Variants in SLIT3 observed in about 807,000 individuals in gnomAD.
SLIT3 encodes slit guidance ligand 3, also known as slit homolog 3 protein.
Under a neutral mutation model 184.0 loss-of-function variants are expected in SLIT3, and 68 were observed. That is an observed-to-expected ratio of 0.37 (90% CI 0.30 to 0.45). The LOEUF is 0.45. SLIT3 is among the 20% of genes least tolerant of loss of function. The pLI is 1.00. For missense variants in SLIT3, 1,707 were observed against 2,026.0 expected, an observed-to-expected ratio of 0.84 and a Z score of 3.02; for synonymous variants, 831 against 828.6, an observed-to-expected ratio of 1.00 and a Z score of -0.05.
At chr5:168,845,946 A>T (rs1179211279) in intron 5 of SLIT3, among the ~76,000 whole-genome samples, 1 of 152,160 alleles carries the variant, frequency 6.6e-6, no homozygotes, top group Non-Finnish European at 1.5e-5. Context: ...TTCATGTGTA[A>T]ATTGAGCTAA....
intron 27 of SLIT3, among the ~76,000 whole-genome samples, chr5:168,699,820 T>C (rs1762163874): frequency 6.6e-6 from 1 of 152,164 alleles, no homozygotes; most frequent in Admixed American, 6.5e-5. Flanking sequence ...GTACCTGGCA[T>C]AGTGAGCATA....
chr5:168,752,713 A>C, intron 18 of SLIT3: 1 of 500,926 alleles, frequency 2.0e-6, no homozygotes, highest in Non-Finnish European at 3.6e-6. Flanking sequence ...TGGGTTTTCA[A>C]ATCACTGTGG....
chr5:169,150,826 G>GCCA (rs1762089103), intron 4 of SLIT3, among the ~76,000 whole-genome samples: 1 of 152,168 alleles, frequency 6.6e-6, no homozygotes, highest in South Asian at 2.1e-4. Context: ...CCATCACCCT[G>GCCA]TAAATTACCT....
At chr5:168,786,324 G>A (rs947899521) in intron 11 of SLIT3, among the ~76,000 whole-genome samples, 3 of 152,168 alleles carry the variant, frequency 2.0e-5, no homozygotes, top group African/African-American at 7.2e-5. Flanking sequence ...CACTGTGTGG[G>A]AGACTGGCCC....
intron 4 of SLIT3, among the ~76,000 whole-genome samples, chr5:168,952,528 C>CAAAAAAAAAAAAAAAAAAAAAAAA (rs372134778): frequency 5.0e-4 from 39 of 77,924 alleles, no homozygotes; most frequent in African/African-American, 2.2e-3. Flanking sequence ...GGGAAAATGC[C>CAAAAAAAAAAAAAAAAAAAAAAAA]AAAAAAAAAA....
At chr5:168,829,795 G>A (rs746738454) in intron 6 of SLIT3, among the ~76,000 whole-genome samples, 1 of 152,236 alleles carries the variant, frequency 6.6e-6, no homozygotes, top group Non-Finnish European at 1.5e-5. Flanking sequence ...CGGACCCTGT[G>A]AGAAACACCT....
intron 5 of SLIT3, among the ~76,000 whole-genome samples, chr5:168,865,193 AAAG>A (rs1759254608): frequency 6.6e-6 from 1 of 151,700 alleles, no homozygotes; most frequent in South Asian, 2.1e-4. Context: ...AAAAAAAAAA[AAAG>A]AACATGGATA....
intron 4 of SLIT3, among the ~76,000 whole-genome samples, chr5:169,140,480 C>CAAAAAAAA: frequency 2.1e-5 from 1 of 46,924 alleles, no homozygotes; most frequent in Non-Finnish European, 4.9e-5. Context: ...AACTCTAACT[C>CAAAAAAAA]AAAAAAAAAA....
At chr5:169,281,449 A>C (rs756527654) in intron 1 of SLIT3, among the ~76,000 whole-genome samples, 1 of 152,194 alleles carries the variant, frequency 6.6e-6, no homozygotes, top group Admixed American at 6.5e-5. Context: ...GCACTCCAGC[A>C]TGGCAACAGA....
chr5:169,158,004 T>C (rs774409126), intron 4 of SLIT3, among the ~76,000 whole-genome samples: 1 of 150,196 alleles, frequency 6.7e-6, no homozygotes, highest in Non-Finnish European at 1.5e-5. Context: ...CAAACACTTG[T>C]ATAATCAGAT....
intron 3 of SLIT3, among the ~76,000 whole-genome samples, chr5:169,195,125 C>T (rs2113474367): frequency 6.6e-6 from 1 of 152,278 alleles, no homozygotes; most frequent in South Asian, 2.1e-4. Flanking sequence ...CATCTGAGAG[C>T]TAAAGCTAAC....
At chr5:168,896,314 C>T (rs1389912618) in intron 4 of SLIT3, among the ~76,000 whole-genome samples, 7 of 152,028 alleles carry the variant, frequency 4.6e-5, no homozygotes, top group East Asian at 1.9e-4. Flanking sequence ...TACCTACGTG[C>T]GGGAATTATT....
At chr5:169,026,026 C>T (rs1049061836) in intron 4 of SLIT3, among the ~76,000 whole-genome samples, 9 of 152,164 alleles carry the variant, frequency 5.9e-5, no homozygotes, top group Non-Finnish European at 1.3e-4. Context: ...CATGCTCTTG[C>T]TGGCATCCAT....
intron 4 of SLIT3, among the ~76,000 whole-genome samples, chr5:169,100,108 AAC>A (rs1171489800): frequency 1.3e-5 from 2 of 152,180 alleles, no homozygotes; most frequent in Admixed American, 6.5e-5. Flanking sequence ...TAAGTGAAAA[AAC>A]AGAGTAGAGT....
At chr5:169,035,731 A>G (rs547326419) in intron 4 of SLIT3, among the ~76,000 whole-genome samples, 1 of 152,214 alleles carries the variant, frequency 6.6e-6, no homozygotes, top group Admixed American at 6.5e-5. Flanking sequence ...TCTATTTCCA[A>G]GATGAGGCAT....
intron 12 of SLIT3, among the ~76,000 whole-genome samples, chr5:168,777,107 C>CACACACACACA: frequency 8.2e-5 from 1 of 12,198 alleles, no homozygotes; most frequent in South Asian, 3.6e-3. Flanking sequence ...ACACACACAC[C>CACACACACACA]CCCCATACCA....
At chr5:168,752,795 A>G in intron 18 of SLIT3, 160 bp downstream of exon 18, 2 of 670,366 alleles carry the variant, frequency 3.0e-6, no homozygotes, top group South Asian at 3.8e-5. Context: ...CAGCCTCAAC[A>G]CCTAGACGAT....
intron 4 of SLIT3, among the ~76,000 whole-genome samples, chr5:168,983,858 ATGAC>A (rs1292271889): frequency 1.3e-5 from 2 of 152,170 alleles, no homozygotes; most frequent in Non-Finnish European, 2.9e-5. Context: ...TTAGGTTAAA[ATGAC>A]ATTAAGACAT....
At chr5:169,007,702 C>T (rs1755985616) in intron 4 of SLIT3, among the ~76,000 whole-genome samples, 2 of 152,232 alleles carry the variant, frequency 1.3e-5, no homozygotes, top group Admixed American at 1.3e-4. Context: ...GAAAGCCCCT[C>T]TTAATAGCGT....
Sources: gnomAD v4.1 joint callset for allele counts (sites outside exome capture counted in the v4.1 genomes callset) on GRCh38, gnomAD v4.1.1 for gene constraint, MANE v1.5 for transcripts, NCBI Gene and HGNC (gene_info 2026-07-23, HGNC 2026-07-21) for gene names.